CEP97: variants seen among roughly 807,000 people sequenced by gnomAD.
CEP97 encodes the protein centrosomal protein 97, also known as centrosomal protein of 97 kDa.
A neutral mutation model predicts 73.1 loss-of-function variants in CEP97; 43 were observed. That is an observed-to-expected ratio of 0.59 (90% CI 0.46 to 0.76). The LOEUF (loss-of-function observed/expected upper bound fraction) is 0.76, where lower values mean the gene tolerates loss of function less well. Among genes scored for constraint, CEP97 ranks in the 30% least tolerant of loss-of-function variants. CEP97 has a pLI of 0.00. For synonymous variants in CEP97, 337 were observed against 370.0 expected (o/e 0.91, Z 1.02); for missense variants, 939 against 1,014.0 (o/e 0.93, Z 1.00).
chr3:101,769,207 C>T lies in CEP97; in HGVS notation c.*3656C>T, dbSNP rs1939396124. 6.6e-6 allele frequency: 1 copy of T among 151,522 alleles called. No individual in the cohort carries two copies. The highest frequency in any genetic ancestry group is 2.4e-5 in the African/African-American group (1 of 41,180). 9.4% of individuals were successfully genotyped at this position (151,522 alleles called of 1,614,324 possible). A position where few individuals can be genotyped will look rare whatever the true frequency, so the allele number is the denominator to read the frequency against. On this transcript the variant is annotated 3_prime_UTR_variant, in exon 11 of 11. Transcript: ENST00000341893. ...CAAAGTCTTAGAATTGGATTTATAACATTGATAATAAAAATATAAAACGTT... is the reference window on the plus strand; with the variant it reads ...CAAAGTCTTAGAATTGGATTTATAATATTGATAATAAAAATATAAAACGTT...
At chr3:101,743,921 T>C (rs1306854112) in intron 6 of CEP97, among the ~76,000 whole-genome samples, 1 of 151,778 alleles carries the variant, frequency 6.6e-6, no homozygotes, top group East Asian at 1.9e-4. Context: ...GGAGAATCAC[T>C]TGAATCCGAG....
chr3:101,758,634 T>C, intron 9 of CEP97: 1 of 579,700 alleles, frequency 1.7e-6, no homozygotes, highest in Non-Finnish European at 3.0e-6. Flanking sequence ...AGCAAAGCAC[T>C]TGATACATAG....
At chr3:101,736,931 G>A (rs891093832) in intron 6 of CEP97, among the ~76,000 whole-genome samples, 30 of 152,216 alleles carry the variant, frequency 2.0e-4, no homozygotes, top group African/African-American at 6.3e-4. Flanking sequence ...ATGCAAGGAA[G>A]CTAAGAACCT....
chr3:101,731,702 A>C (rs1364373674), intron 4 of CEP97, 138 bp from the exon 5 acceptor site: 1 of 586,474 alleles, frequency 1.7e-6, no homozygotes, highest in Non-Finnish European at 3.0e-6. Flanking sequence ...TAGCATTAAC[A>C]GTCTTTGATT....
At chr3:101,728,764 C>A in intron 3 of CEP97, 72 bp from the exon 4 acceptor site, 2 of 967,204 alleles carry the variant, frequency 2.1e-6, no homozygotes, top group Non-Finnish European at 3.3e-6. Flanking sequence ...CTTTCAGCTG[C>A]AAAGAACTAG....
At chr3:101,744,775 G>A (rs553158897) in intron 6 of CEP97, among the ~76,000 whole-genome samples, 2 of 152,230 alleles carry the variant, frequency 1.3e-5, no homozygotes, top group East Asian at 1.9e-4. Flanking sequence ...AAAAATCGGT[G>A]TTTGGCCTGA....
intron 7 of CEP97, among the ~76,000 whole-genome samples, chr3:101,756,266 C>G (rs747427817): frequency 6.6e-6 from 1 of 151,886 alleles, no homozygotes; most frequent in African/African-American, 2.4e-5. Flanking sequence ...GCCATGTTAG[C>G]CAGGCTGGTC....
chr3:101,757,287 T>C, intron 8 of CEP97, 91 bp downstream of exon 8: 5 of 1,441,316 alleles, frequency 3.5e-6, no homozygotes, highest in Non-Finnish European at 4.7e-6. Context: ...ATTTTCATAA[T>C]TTTTTGTTAG....
Position 101,767,471 on chromosome 3 carries a change from C to T in CEP97, c.*1920C>T. 1 of 152,124 alleles carries T rather than the reference C, an allele frequency of 6.6e-6. No homozygotes were observed. Among genetic ancestry groups the T allele is most frequent in the Non-Finnish European group, 1.5e-5 (1 of 68,012 alleles). 9.4% of individuals were successfully genotyped at this position (152,124 alleles called of 1,614,324 possible). ...CAAAGAAAAACCAATTTCCACTGCA[C>T]TAGTACCAAAATACTACTTTATACA... is the stretch of plus-strand genomic sequence containing the variant. On this transcript the variant is annotated 3_prime_UTR_variant, in exon 11 of 11. Coordinates refer to ENST00000341893, the MANE Select transcript of CEP97 (RefSeq NM_024548.4).
At position 101,736,376 on chromosome 3, in the gene CEP97, G is replaced by A. The variant is rs76167013; in HGVS notation, c.728+3722G>A. Among the ~76,000 whole-genome samples the A allele has an allele frequency of 8.6e-4, 131 of 152,324 alleles. 1 individual carries two copies. In the East Asian group the frequency reaches 0.019, roughly 22 times the overall value. On this transcript the variant is annotated intron_variant, in intron 6 of 10. Coordinates refer to ENST00000341893, the MANE Select transcript of CEP97 (RefSeq NM_024548.4). ...AAGGGACAGACTGTCTCCTCAAGTG[G>A]GTCCCTGATCCCCGTGTCTCCTGAC...
At chr3:101,735,016 G>A (rs558315291) in intron 6 of CEP97, among the ~76,000 whole-genome samples, 49 of 152,146 alleles carry the variant, frequency 3.2e-4, no homozygotes, top group Non-Finnish European at 5.7e-4. Flanking sequence ...GTGAATAGCG[G>A]TACTACCTTG....
At chr3:101,742,262 T>C (rs1938482979) in intron 6 of CEP97, among the ~76,000 whole-genome samples, 1 of 152,044 alleles carries the variant, frequency 6.6e-6, no homozygotes, top group Non-Finnish European at 1.5e-5. Flanking sequence ...TATAAATCAT[T>C]CTACTATAAG....
rs765204092 is a variant in CEP97 at position 101,732,469 on chromosome 3, A to C, written c.562-19A>C. The C allele has an allele frequency of 1.3e-6, 2 of 1,581,782 alleles. No individual in the cohort carries two copies. On this transcript the variant is annotated intron_variant, in intron 5 of 10. Transcript: ENST00000341893. ...CACTGAATAGTCCTTTTGTTCAACA[A>C]AGATATCTTTTGTTCCAGATCTCTT...
chr3:101,731,735 A>T, intron 4 of CEP97, 105 bp from the exon 5 acceptor site: 1 of 660,208 alleles, frequency 1.5e-6, no homozygotes, highest in Admixed American at 2.6e-5. Context: ...GAAATATAAT[A>T]AAGTAGATTC....
At chr3:101,762,611 A>G (rs764781502) in intron 10 of CEP97, 51 bp downstream of exon 10, 22 of 1,359,438 alleles carry the variant, frequency 1.6e-5, no homozygotes, top group South Asian at 6.2e-5. Context: ...TACAGATTCT[A>G]TATTCATTGA....
chr3:101,729,110 G>A (rs1938007105), intron 4 of CEP97, among the ~76,000 whole-genome samples, 173 bp downstream of exon 4: 1 of 152,154 alleles, frequency 6.6e-6, no homozygotes, highest in Non-Finnish European at 1.5e-5. Context: ...TTGAGAGGCT[G>A]AGGCGAGTGG....
intron 6 of CEP97, among the ~76,000 whole-genome samples, chr3:101,740,137 A>G (rs1938404333): frequency 6.6e-6 from 1 of 152,190 alleles, no homozygotes; most frequent in Admixed American, 6.6e-5. Context: ...CAATCAGGCA[A>G]GAGAAAGAAA....
At chr3:101,762,805 G>C (rs1449694002) in intron 10 of CEP97, among the ~76,000 whole-genome samples, 2 of 152,160 alleles carry the variant, frequency 1.3e-5, no homozygotes, top group South Asian at 4.1e-4. Context: ...GAGGAAAGTG[G>C]CTTAACTGAA....
intron 9 of CEP97, among the ~76,000 whole-genome samples, chr3:101,761,619 A>G (rs1939179785): frequency 6.6e-6 from 1 of 152,196 alleles, no homozygotes; most frequent in Admixed American, 6.5e-5. Flanking sequence ...GATGTGTGAC[A>G]GGGAAAAATA....
Sources: allele counts gnomAD v4.1 joint callset (sites outside exome capture counted in the v4.1 genomes callset), GRCh38; gene constraint gnomAD v4.1.1; transcripts MANE v1.5; gene names NCBI Gene and HGNC (gene_info 2026-07-23, HGNC 2026-07-21).